The following FAM181A variants were observed in gnomAD, a reference collection of about 807,000 sequenced individuals.
FAM181A encodes protein FAM181A.
FAM181A carries 7 observed loss-of-function variants against 16.3 expected under a neutral mutation model. That is an observed-to-expected ratio of 0.43 (90% confidence interval 0.24 to 0.81). FAM181A has a LOEUF of 0.81. Ranked by LOEUF, FAM181A falls within the 30% of genes least tolerant of loss-of-function variation. The pLI is 0.24. For missense variants in FAM181A, 349 were observed against 377.5 expected (o/e 0.92, Z 0.63); for synonymous variants, 183 against 164.9 (o/e 1.11, Z -0.84).
At chr14:93,923,933 C>A (rs1887813804), upstream of FAM181A, 1 of 152,200 alleles carries the variant, frequency 6.6e-6, no homozygotes, top group African/African-American at 2.4e-5. Context: ...TGTGCTGAGT[C>A]CATTCAAGTC....
At chr14:93,922,464 C>G (rs1300745786), upstream of FAM181A, 4 of 152,010 alleles carry the variant, frequency 2.6e-5, no homozygotes, top group African/African-American at 7.3e-5. Flanking sequence ...CTGAGGCAGG[C>G]GGATCACCTG....
intron 1 of FAM181A, among the ~76,000 whole-genome samples, 188 bp from the exon 2 acceptor site, chr14:93,928,011 G>C (rs963654502): frequency 3.9e-5 from 6 of 152,152 alleles, no homozygotes; most frequent in African/African-American, 1.4e-4. Flanking sequence ...GGCTCTGCTG[G>C]TGCCTGCCGC....
At chr14:93,927,195 C>T, upstream of FAM181A, 5 of 772,444 alleles carry the variant, frequency 6.5e-6, no homozygotes, top group Non-Finnish European at 7.9e-6. Context: ...GTGATGGTCC[C>T]CATGGTGACA....
rs561259104 is a variant in FAM181A, at chr14:93,921,841, G to T, written c.-225+2847G>T. On this transcript the variant is annotated intron_variant, in intron 1 of 2. Transcript: ENST00000267594. ...TTAGGATCACTCCCACCCTAGCTTT[G>T]TCATTTACTGCCCATGGGACCTTCA... Among the ~76,000 whole-genome samples, 6 of 152,196 alleles carry T rather than the reference G, an allele frequency of 3.9e-5. No homozygotes were observed. In the East Asian group the frequency reaches 7.7e-4, roughly 20 times the overall value.
intron 1 of FAM181A, among the ~76,000 whole-genome samples, chr14:93,920,007 TAAAAATA>T (rs1371617983): frequency 4.0e-5 from 6 of 149,912 alleles, no homozygotes; most frequent in East Asian, 2.0e-4. Flanking sequence ...GAAAAAGAAA[TAAAAATA>T]AAAAATAAAA....
At position 93,928,621 on chromosome 14, in the gene FAM181A, G is replaced by A; in HGVS notation, c.336G>A (p.Glu112=). The A allele has an allele frequency of 1.2e-6, 2 of 1,613,990 alleles. No homozygotes were observed. Among genetic ancestry groups the A allele is most frequent in the South Asian group, 1.1e-5 (1 of 91,090 alleles). ...NPYREECLAK[E]QLPQRQHPEA... ...ACAGGGAGGAATGTCTTGCTAAGGAGCAGCTCCCACAGAGGCAGCATCCAG... is the reference window on the plus strand; with the variant it reads ...ACAGGGAGGAATGTCTTGCTAAGGAACAGCTCCCACAGAGGCAGCATCCAG... The change falls in exon 2 of 2, where the codon GAG becomes GAA. Residue 112 remains glutamate, a synonymous_variant. Coordinates refer to ENST00000556222, the MANE Select transcript of FAM181A (RefSeq NM_001207073.2).
chr14:93,925,683 A>G (rs1203480145), upstream of FAM181A, among the ~76,000 whole-genome samples: 1 of 151,708 alleles, frequency 6.6e-6, no homozygotes, highest in Admixed American at 6.6e-5. Flanking sequence ...GTAGTGGCCA[A>G]CAATCTAGGA....
At position 93,928,454 on chromosome 14, in the gene FAM181A, CG is replaced by C; in HGVS notation, c.173del (p.Gly58AlafsTer11). On this transcript the variant is annotated frameshift_variant, in exon 2 of 2. Coordinates refer to ENST00000556222, the MANE Select transcript of FAM181A (RefSeq NM_001207073.2). LOFTEE classifies it high-confidence loss of function. ...RFSQKYSRLP[R>X]GLPGRAAEPY... is the part of the protein sequence containing the mutation. ...CTCCCAGAAGTATTCCCGGCTCCCG[CG>C]GGGCCTTCCTGGCAGAGCTGCTGAG... 6.2e-7 allele frequency: 1 copy of C among 1,611,816 alleles called. No homozygotes were observed. The highest frequency in any genetic ancestry group is 8.5e-7 in the Non-Finnish European group (1 of 1,178,384).
At chr14:93,927,659 TGCCTGGTCCTGCGTGAGA>T (rs1567012409) in intron 1 of FAM181A, 1 of 1,268,046 alleles carries the variant, frequency 7.9e-7, no homozygotes, top group East Asian at 5.9e-5. Flanking sequence ...ACAGGGGTCC[TGCCTGGTCCTGCGTGAGA>T]GCTGGGGGTG....
At position 93,928,885 on chromosome 14, in the gene FAM181A, T is replaced by G; in HGVS notation, c.600T>G (p.Pro200=). Reference sequence around the variant, plus strand: ...CTGAAAAGGAGCCGCTCAAGATGCCTGGGGTCTCCTTGGTGGGCCGCGTCA... The same window carrying G: ...CTGAAAAGGAGCCGCTCAAGATGCCGGGGGTCTCCTTGGTGGGCCGCGTCA... ...ALAEKEPLKM[P]GVSLVGRVNA... is the part of the protein sequence containing the mutation. The change falls in exon 2 of 2, where the codon CCT becomes CCG. Residue 200 remains proline, a synonymous_variant. Coordinates refer to ENST00000556222, the MANE Select transcript of FAM181A (RefSeq NM_001207073.2). 1 of 1,614,148 alleles carries G rather than the reference T, an allele frequency of 6.2e-7. No individual in the cohort carries two copies. The highest frequency in any genetic ancestry group is 8.5e-7 in the Non-Finnish European group (1 of 1,180,002).
intron 1 of FAM181A, chr14:93,927,748 G>C (rs1217668415): frequency 2.4e-6 from 2 of 844,352 alleles, no homozygotes; most frequent in Admixed American, 3.7e-5. Context: ...AGTGGTGGGA[G>C]GGGGAGGCTA....
At chr14:93,922,285 C>T (rs574339978) in intron 1 of FAM181A, 5 of 152,354 alleles carry the variant, frequency 3.3e-5, no homozygotes, top group South Asian at 2.1e-4. Flanking sequence ...CAAGGTGACA[C>T]GCTAGGCTGC....
rs1315120356 is a variant in FAM181A at position 93,929,019 on chromosome 14, G to A, written c.734G>A (p.Ser245Asn). The change falls in exon 2 of 2, where the codon AGC becomes AAC. Residue 245 changes from serine (S) to asparagine (N), a missense_variant. By Grantham distance (46) the Ser-to-Asn change is conservative. Coordinates refer to ENST00000556222, the MANE Select transcript of FAM181A (RefSeq NM_001207073.2). ...CCCAGCCTGGGCCTTTGGAGGAAGA[G>A]CCCAGCCTTTCCCGGGGAGCTGGCG... ...PVPSLGLWRK[S>N]PAFPGELAHL... 3 of 1,606,562 alleles carry A rather than the reference G, an allele frequency of 1.9e-6. No individual in the cohort carries two copies. The highest frequency in any genetic ancestry group is 2.6e-6 in the Non-Finnish European group (3 of 1,175,974).
chr14:93,926,056 G>C (rs1382301669), upstream of FAM181A, among the ~76,000 whole-genome samples: 1 of 152,116 alleles, frequency 6.6e-6, no homozygotes, highest in Non-Finnish European at 1.5e-5. This position sits in a 1 kb window ranked among gnomAD's most constrained non-coding sequence, Gnocchi z 5.2. Flanking sequence ...CAGAGGTGTG[G>C]GTTGGCGCAC....
chr14:93,922,562 C>T (rs545612057), upstream of FAM181A, among the ~76,000 whole-genome samples: 53 of 152,120 alleles, frequency 3.5e-4, no homozygotes, highest in Non-Finnish European at 5.7e-4. Flanking sequence ...TGGTGGCACA[C>T]GTCTGTAATC....
At chr14:93,925,816 G>A (rs902711361), upstream of FAM181A, among the ~76,000 whole-genome samples, 10 of 151,902 alleles carry the variant, frequency 6.6e-5, no homozygotes, top group East Asian at 9.6e-4. Flanking sequence ...TGTCAGCACC[G>A]GGCCATCTCC....
upstream of FAM181A, chr14:93,925,351 G>T (rs752215793): frequency 1.9e-6 from 3 of 1,613,340 alleles, no homozygotes; most frequent in African/African-American, 1.3e-5. Flanking sequence ...GGGGAGAAAA[G>T]GGCGAGCACA....
chr14:93,925,461 C>A, upstream of FAM181A: 1 of 1,258,996 alleles, frequency 7.9e-7, no homozygotes, highest in Non-Finnish European at 1.1e-6. Flanking sequence ...GGGAGCTGGC[C>A]CTGGTGGCCA....
At chr14:93,925,556 G>A (rs1186432277), upstream of FAM181A, among the ~76,000 whole-genome samples, 1 of 152,194 alleles carries the variant, frequency 6.6e-6, no homozygotes, top group East Asian at 1.9e-4. Context: ...CAGTCAGGGT[G>A]GGCTGGGACG....
Sources: gnomAD v4.1 joint callset for allele counts (sites outside exome capture counted in the v4.1 genomes callset) on GRCh38, gnomAD v4.1.1 for gene constraint, Gnocchi (gnomAD v3.1) non-coding constraint, MANE v1.5 for transcripts, NCBI Gene and HGNC (gene_info 2026-07-23, HGNC 2026-07-21) for gene names.